The following UGT8 variants were observed in gnomAD, a reference collection of about 807,000 sequenced individuals.
UGT8 encodes UDP glycosyltransferase 8.
In UGT8, 12 loss-of-function variants were observed where a neutral mutation model predicts 40.5. That is an observed-to-expected ratio of 0.30 (90% CI 0.19 to 0.48). The LOEUF is 0.48. UGT8 is among the 20% of genes least tolerant of loss of function. The pLI is 0.99. For missense variants in UGT8, 513 were observed against 648.7 expected (o/e 0.79, Z 2.27); for synonymous variants, 224 against 240.4 (o/e 0.93, Z 0.63).
At chr4:114,640,579 T>C (rs1280364669) in intron 2 of UGT8, among the ~76,000 whole-genome samples, 1 of 152,174 alleles carries the variant, frequency 6.6e-6, no homozygotes, top group Non-Finnish European at 1.5e-5. Flanking sequence ...GTTTTCACAC[T>C]GCTGATAAAG....
chr4:114,661,766 T>C (rs1281337507), intron 2 of UGT8, among the ~76,000 whole-genome samples: 1 of 152,212 alleles, frequency 6.6e-6, no homozygotes, highest in East Asian at 1.9e-4. Context: ...TGGTTCCCAC[T>C]CTTCCTTCTA....
rs532617760 is a variant in UGT8, at chr4:114,645,519, TA to T, written c.823-18475del. ...TTTCATCACGCCATATTACACATAA[TA>T]TTTTTTTGTGCTTCTATATCACATT... is the stretch of plus-strand genomic sequence containing the variant. On this transcript the variant is annotated intron_variant, in intron 2 of 5. Transcript: ENST00000310836. Among the ~76,000 whole-genome samples, 19 of 152,200 alleles carry T rather than the reference TA, an allele frequency of 1.2e-4. No individual in the cohort carries two copies. In the East Asian group the frequency reaches 1.9e-3, roughly 15 times the overall value.
chr4:114,604,493 G>T (rs1730621561), intron 1 of UGT8, among the ~76,000 whole-genome samples: 2 of 144,934 alleles, frequency 1.4e-5, no homozygotes, highest in Non-Finnish European at 1.5e-5. Context: ...AGACTACTAT[G>T]GTAATATTTA....
At chr4:114,639,834 T>C (rs1254583618) in intron 2 of UGT8, among the ~76,000 whole-genome samples, 2 of 152,188 alleles carry the variant, frequency 1.3e-5, no homozygotes, top group African/African-American at 4.8e-5. Context: ...TTGCCTAGTG[T>C]TGTCTTCCTG....
chr4:114,609,292 T>G (rs1254713002), intron 1 of UGT8, among the ~76,000 whole-genome samples: 8 of 152,112 alleles, frequency 5.3e-5, no homozygotes, highest in Admixed American at 4.6e-4. Context: ...TCAGCTAAAG[T>G]AAAAAGAAAA....
intron 2 of UGT8, among the ~76,000 whole-genome samples, chr4:114,657,188 C>T (rs1165312932): frequency 2.0e-5 from 3 of 151,758 alleles, no homozygotes; most frequent in Non-Finnish European, 2.9e-5. Context: ...ATCATATCCT[C>T]GGGATGTCCC....
chr4:114,626,183 A>G (rs916932536), intron 2 of UGT8, among the ~76,000 whole-genome samples: 1 of 151,810 alleles, frequency 6.6e-6, no homozygotes, highest in Non-Finnish European at 1.5e-5. Context: ...GTGTGGTTTT[A>G]TATGCTTATG....
chr4:114,652,037 C>T (rs1251981470), intron 2 of UGT8, among the ~76,000 whole-genome samples: 1 of 151,892 alleles, frequency 6.6e-6, no homozygotes, highest in South Asian at 2.1e-4. Flanking sequence ...TTTTATCACA[C>T]GTTCAAATAT....
rs111585667 is a variant in UGT8 at position 114,626,414 on chromosome 4, A to G, written c.822+2712A>G. 7.8e-3 allele frequency among the ~76,000 whole-genome samples: 1,184 copies of G among 152,340 alleles called. 15 individuals carry two copies. Among genetic ancestry groups the G allele is most frequent in the African/African-American group, 0.027 (1,127 of 41,586 alleles). On this transcript the variant is annotated intron_variant, in intron 2 of 5. Coordinates refer to ENST00000310836, the MANE Select transcript of UGT8 (RefSeq NM_001128174.3). The stretch of plus-strand genomic sequence containing the variant: ...CCCTGGTATCTTACACTGGGCATAG[A>G]TTAGGTTTTCCAGATGTCTGTAAAT...
At chr4:114,639,183 G>A (rs188856988) in intron 2 of UGT8, among the ~76,000 whole-genome samples, 30 of 152,188 alleles carry the variant, frequency 2.0e-4, no homozygotes, top group Middle Eastern at 3.4e-3. Flanking sequence ...CACCCAAATG[G>A]AAATAAAGAA....
At chr4:114,620,145 C>T (rs1731693870) in intron 1 of UGT8, among the ~76,000 whole-genome samples, 1 of 152,062 alleles carries the variant, frequency 6.6e-6, no homozygotes, top group African/African-American at 2.4e-5. Flanking sequence ...CATTTGTTCT[C>T]TATGATCATT....
At chr4:114,620,602 G>A (rs1731723740) in intron 1 of UGT8, among the ~76,000 whole-genome samples, 1 of 152,124 alleles carries the variant, frequency 6.6e-6, no homozygotes, top group South Asian at 2.1e-4. Flanking sequence ...TTATAATAAT[G>A]TAAGTGACAT....
chr4:114,658,707 A>AC (rs1734338387), intron 2 of UGT8, among the ~76,000 whole-genome samples: 1 of 27,400 alleles, frequency 3.6e-5, no homozygotes, highest in South Asian at 3.6e-3. Context: ...CACAATGAAT[A>AC]AAAAAAAATT....
Position 114,676,451 on chromosome 4 carries a change from G to T in UGT8, c.*163G>T. On this transcript the variant is annotated 3_prime_UTR_variant, in exon 6 of 6. Coordinates refer to ENST00000310836, the MANE Select transcript of UGT8 (RefSeq NM_001128174.3). The stretch of plus-strand genomic sequence containing the variant: ...TGTGGAATTAAGATGGCTGTAAAAA[G>T]CACAAACCTAAAATGCAGAAATGTA... 1.6e-6 allele frequency: 1 copy of T among 607,894 alleles called. No individual in the cohort carries two copies. The highest frequency in any genetic ancestry group is 1.9e-5 in the African/African-American group (1 of 53,980). The allele number at this position is 607,894 out of a possible 1,614,324, so 37.7% of individuals were successfully genotyped here. A position where few individuals can be genotyped will look rare whatever the true frequency, so the allele number is the denominator to read the frequency against.
intron 2 of UGT8, chr4:114,656,758 T>A (rs752086272): frequency 3.9e-6 from 2 of 518,754 alleles, no homozygotes; most frequent in South Asian, 2.9e-5. Flanking sequence ...CAGGCTGTAT[T>A]TGGGGGAGTG....
chr4:114,615,160 G>T lies in UGT8; in HGVS notation c.-2-7719G>T, dbSNP rs954345664. On this transcript the variant is annotated intron_variant, in intron 1 of 5. Transcript: ENST00000310836. ...TTTCTTTTTTTTCTCTCTTCACATG[G>T]TGGGATATGAGTACATTAATTTACT... Among the ~76,000 whole-genome samples, 7 of 151,692 alleles carry T rather than the reference G, an allele frequency of 4.6e-5. 1 individual carries two copies. The highest frequency in any genetic ancestry group is 1.2e-4 in the African/African-American group (5 of 41,264).
intron 1 of UGT8, among the ~76,000 whole-genome samples, chr4:114,615,391 C>T (rs1731342785): frequency 6.6e-6 from 1 of 152,128 alleles, no homozygotes; most frequent in Non-Finnish European, 1.5e-5. Context: ...GTGACCAGCT[C>T]GTCCCCGTGT....
intron 2 of UGT8, among the ~76,000 whole-genome samples, chr4:114,650,694 A>G (rs1025091979): frequency 2.0e-4 from 30 of 152,136 alleles, no homozygotes; most frequent in African/African-American, 7.2e-4. Flanking sequence ...TTTGTGGCAT[A>G]TTCAGTTTGT....
At chr4:114,625,343 T>G (rs1732134512) in intron 2 of UGT8, among the ~76,000 whole-genome samples, 1 of 151,766 alleles carries the variant, frequency 6.6e-6, no homozygotes, top group South Asian at 2.1e-4. Context: ...TGAAACCTTG[T>G]CTCTACAAAA....
Sources: gnomAD v4.1 joint callset for allele counts (sites outside exome capture counted in the v4.1 genomes callset) on GRCh38, gnomAD v4.1.1 for gene constraint, MANE v1.5 for transcripts, NCBI Gene and HGNC (gene_info 2026-07-23, HGNC 2026-07-21) for gene names.